Variants in ZNF541 observed in about 807,000 individuals in gnomAD.
ZNF541 encodes zinc finger protein 541.
Under a neutral mutation model 123.5 loss-of-function variants are expected in ZNF541, and 23 were observed. The ratio of observed to expected loss-of-function variants is 0.19; its 90% CI spans 0.13 to 0.26. The LOEUF (loss-of-function observed/expected upper bound fraction) is 0.26, where lower values mean the gene tolerates loss of function less well. Among genes scored for constraint, ZNF541 ranks in the 10% least tolerant of loss-of-function variants. ZNF541 has a pLI of 1.00. For synonymous variants in ZNF541, 751 were observed against 754.5 expected, an observed-to-expected ratio of 1.00 and a Z score of 0.08; for missense variants, 1,612 against 1,789.9, an observed-to-expected ratio of 0.90 and a Z score of 1.79.
In ZNF541 at chr19:47,543,549, G is replaced by A. The variant is rs73940886; in HGVS notation, c.2403+577C>T. On this transcript the variant is annotated intron_variant, in intron 5 of 16. Coordinates refer to ENST00000391901, the MANE Select transcript of ZNF541 (RefSeq NM_001277075.3). Reference sequence around the variant, plus strand: ...CATATCCTCTGAAGATTCTAAAAAGGCAAATCCAAAGGGAAACAAGAGAAA... The same window carrying A: ...CATATCCTCTGAAGATTCTAAAAAGACAAATCCAAAGGGAAACAAGAGAAA... 3.2e-3 allele frequency among the ~76,000 whole-genome samples: 480 copies of A among 151,124 alleles called. 1 individual carries two copies. Among genetic ancestry groups the A allele is most frequent in the African/African-American group, 0.011 (451 of 41,192 alleles).
At chr19:47,546,698 C>T (rs372079662) in intron 4 of ZNF541, among the ~76,000 whole-genome samples, 24 of 152,090 alleles carry the variant, frequency 1.6e-4, no homozygotes, top group African/African-American at 5.3e-4. Context: ...TGGAGGTTCA[C>T]GATGCACAGT....
chr19:47,544,246 C>T lies in ZNF541; in HGVS notation c.2283G>A (p.Lys761=), dbSNP rs911940224. The T allele has an allele frequency of 6.4e-6, 10 of 1,551,560 alleles. No homozygotes were observed. The African/African-American group carries it at 1.1e-4, about 17-fold the overall frequency. ...APRFSGFRKE[K]AKMDMCCAAS... is the part of the protein sequence containing the mutation. ...CCGCACAGCACATATCCATCTTCGC[C>T]TTCTCTTTCCGGAAGCCGGAGAATC... Residue 761 remains lysine (K), a synonymous_variant, in exon 5 of 17, where the codon AAG becomes AAA. Transcript: ENST00000391901.
In ZNF541 at chr19:47,544,139, A is replaced by T; in HGVS notation, c.2390T>A (p.Phe797Tyr). 1 of 1,549,468 alleles carries T rather than the reference A, an allele frequency of 6.5e-7. No individual in the cohort carries two copies. Among genetic ancestry groups the T allele is most frequent in the Non-Finnish European group, 8.7e-7 (1 of 1,145,420 alleles). Residue 797 changes from phenylalanine to tyrosine, a missense_variant, in exon 5 of 17, where the codon TTC (phenylalanine) becomes TAC (tyrosine). Around this residue, in one of 5 missense-constraint regions of ZNF541, gnomAD observed 1,080 missense variants for 1,013.8 expected, o/e 1.07. Coordinates refer to ENST00000391901, the MANE Select transcript of ZNF541 (RefSeq NM_001277075.3). ...GAGAGCTGGTACCTGGATTCTGCTG[A>T]ATATTGTCAGCTTGGACTTGGAGGG... ...ADPSKSKLTI[F>Y]SRIQGGNIYR...
At chr19:47,525,097 C>T (rs1411495926) in intron 14 of ZNF541, among the ~76,000 whole-genome samples, 2 of 151,854 alleles carry the variant, frequency 1.3e-5, no homozygotes, top group Non-Finnish European at 2.9e-5. Context: ...TCAGCCTGGC[C>T]AACATGGTGA....
chr19:47,540,084 CCAT>C, intron 7 of ZNF541, 89 bp downstream of exon 7: 1 of 1,467,052 alleles, frequency 6.8e-7, no homozygotes, highest in Admixed American at 2.3e-5. Flanking sequence ...AGTGACGTCC[CCAT>C]CCTGAGATAA....
intron 14 of ZNF541, among the ~76,000 whole-genome samples, chr19:47,526,220 G>A (rs1382168743): frequency 6.6e-6 from 1 of 152,008 alleles, no homozygotes; most frequent in African/African-American, 2.4e-5. Context: ...GGTGGCTCAC[G>A]CCTGTAATCC....
rs1429550546 is a variant in ZNF541 at position 47,521,913 on chromosome 19, G to A, written c.3652C>T (p.Pro1218Ser). 5 of 1,551,650 alleles carry A rather than the reference G, an allele frequency of 3.2e-6. No homozygotes were observed. Among genetic ancestry groups the A allele is most frequent in the Non-Finnish European group, 4.4e-6 (5 of 1,147,042 alleles). The change falls in exon 15 of 17, where the codon CCA (proline) becomes TCA (serine). Residue 1218 changes from proline to serine, a missense_variant. Around this residue, in one of 5 missense-constraint regions of ZNF541, gnomAD observed 285 missense variants for 407.3 expected, o/e 0.70. Coordinates refer to ENST00000391901, the MANE Select transcript of ZNF541 (RefSeq NM_001277075.3). The surrounding 1 kb of genome is among the most constrained non-coding windows in gnomAD (Gnocchi z 4.2). ...KMIKFDCGRAPGLEKRVKREP... is the reference protein window; with the variant it reads ...KMIKFDCGRASGLEKRVKREP... ...CTCTTGACCCTCTTTTCTAGCCCTG[G>A]GGCTCGGCCACAGTCAAACTTGATC...
At chr19:47,551,445 C>G (rs1970595952) in intron 3 of ZNF541, among the ~76,000 whole-genome samples, 1 of 151,444 alleles carries the variant, frequency 6.6e-6, no homozygotes, top group Non-Finnish European at 1.5e-5. Flanking sequence ...AATCATAGCT[C>G]ACCGCAGCCT....
chr19:47,538,611 T>C, intron 8 of ZNF541, 172 bp from the exon 9 acceptor site: 1 of 623,220 alleles, frequency 1.6e-6, no homozygotes, highest in Non-Finnish European at 2.7e-6. Context: ...GTACTGAGCC[T>C]GGCGATGATC....
intron 2 of ZNF541, among the ~76,000 whole-genome samples, chr19:47,565,779 T>C (rs1433061941): frequency 6.6e-6 from 1 of 152,244 alleles, no homozygotes; most frequent in Non-Finnish European, 1.5e-5. Flanking sequence ...CTATACACTT[T>C]AGGAACTTAT....
At chr19:47,553,415 T>G (rs2123263566) in intron 3 of ZNF541, among the ~76,000 whole-genome samples, 1 of 149,196 alleles carries the variant, frequency 6.7e-6, no homozygotes, top group East Asian at 2.0e-4. Flanking sequence ...ATTCTTTTTT[T>G]TTTTTTTTTT....
intron 2 of ZNF541, among the ~76,000 whole-genome samples, chr19:47,558,277 A>G (rs1267021534): frequency 6.6e-6 from 1 of 151,666 alleles, no homozygotes; most frequent in Non-Finnish European, 1.5e-5. Flanking sequence ...TTAGCCGGGC[A>G]TGGTGGTGGG....
intron 2 of ZNF541, among the ~76,000 whole-genome samples, chr19:47,570,927 AAC>A (rs1232942065): frequency 6.6e-6 from 1 of 150,904 alleles, no homozygotes; most frequent in Non-Finnish European, 1.5e-5. Flanking sequence ...CAGCCTGGGA[AAC>A]AGAGAGAGAC....
chr19:47,536,648 T>C (rs1328150087), intron 9 of ZNF541, among the ~76,000 whole-genome samples: 1 of 152,162 alleles, frequency 6.6e-6, no homozygotes, highest in East Asian at 1.9e-4. Context: ...TAGGCCCAGC[T>C]ACTCTGGGCC....
At chr19:47,548,413 A>C (rs1359520443) in intron 4 of ZNF541, among the ~76,000 whole-genome samples, 1 of 144,788 alleles carries the variant, frequency 6.9e-6, no homozygotes, top group East Asian at 2.0e-4. Context: ...ACTGCACTCC[A>C]GCCTGGGTGA....
At chr19:47,537,933 C>T (rs1024494343) in intron 9 of ZNF541, among the ~76,000 whole-genome samples, 1 of 152,096 alleles carries the variant, frequency 6.6e-6, no homozygotes, top group Non-Finnish European at 1.5e-5. Flanking sequence ...GGCTAAATGG[C>T]CTCTACGTTT....
chr19:47,526,901 T>C (rs1461813767), intron 14 of ZNF541, among the ~76,000 whole-genome samples: 2 of 152,224 alleles, frequency 1.3e-5, no homozygotes, highest in Non-Finnish European at 2.9e-5. Flanking sequence ...AATTTATTTA[T>C]AGTCATCCCA....
intron 2 of ZNF541, among the ~76,000 whole-genome samples, chr19:47,565,589 T>C (rs1274327472): frequency 2.0e-5 from 3 of 152,202 alleles, no homozygotes; most frequent in South Asian, 4.2e-4. Flanking sequence ...GATGGGAGAA[T>C]TGAGACCTCA....
intron 2 of ZNF541, among the ~76,000 whole-genome samples, chr19:47,565,537 G>A (rs148617778): frequency 3.9e-5 from 6 of 152,174 alleles, no homozygotes; most frequent in African/African-American, 9.6e-5. Flanking sequence ...CTGGCATCAC[G>A]GTACAAATGG....
Sources: gnomAD v4.1 joint callset for allele counts (sites outside exome capture counted in the v4.1 genomes callset) on GRCh38, gnomAD v4.1.1 for gene constraint, gnomAD v4.1.1 regional missense constraint, Gnocchi (gnomAD v3.1) non-coding constraint, MANE v1.5 for transcripts, NCBI Gene and HGNC (gene_info 2026-07-23, HGNC 2026-07-21) for gene names.